PBX3: variants seen among roughly 807,000 people sequenced by gnomAD.
PBX3 encodes the protein PBX homeobox 3, also known as pre-B-cell leukemia transcription factor 3.
A neutral mutation model predicts 48.5 loss-of-function variants in PBX3; 14 were observed. The observed-to-expected ratio is 0.29, with a 90% CI of 0.19 to 0.45. PBX3 has a LOEUF of 0.45. Among genes scored for constraint, PBX3 ranks in the 20% least tolerant of loss-of-function variants. The pLI, the probability that PBX3 is intolerant of heterozygous loss-of-function variation, is 1.00. For synonymous variants in PBX3, 210 were observed against 200.3 expected (o/e 1.05, Z -0.41); for missense variants, 386 against 546.7 (o/e 0.71, Z 2.93).
chr9:125,931,025 GAA>G (rs1424722775), intron 4 of PBX3, among the ~76,000 whole-genome samples: 1 of 152,040 alleles, frequency 6.6e-6, no homozygotes, highest in Non-Finnish European at 1.5e-5. Context: ...GGAAAGTTTG[GAA>G]AATATATGGA....
chr9:125,954,054 C>A (rs899039280), intron 5 of PBX3, among the ~76,000 whole-genome samples: 5 of 152,212 alleles, frequency 3.3e-5, no homozygotes, highest in African/African-American at 1.2e-4. Context: ...CTTTTCCCTT[C>A]CTGCCCTTTT....
intron 2 of PBX3, among the ~76,000 whole-genome samples, chr9:125,778,457 C>T (rs1837138533): frequency 6.6e-6 from 1 of 151,872 alleles, no homozygotes; most frequent in Non-Finnish European, 1.5e-5. Flanking sequence ...CAGAGTTTCA[C>T]CATCTTGACC....
chr9:125,853,945 A>T (rs1839650443), intron 2 of PBX3, among the ~76,000 whole-genome samples: 1 of 152,084 alleles, frequency 6.6e-6, no homozygotes, highest in South Asian at 2.1e-4. Context: ...CATGAAAAAT[A>T]TGCATTTATT....
At position 125,834,578 on chromosome 9, in the gene PBX3, G is replaced by A. The variant is rs1839064514; in HGVS notation, c.275-81108G>A. ...CGACCGGCTAATTTTTGTATTTTTAGTAGAGACGGGGGTTGCGCCAAGTTG... is the reference window on the plus strand; with the variant it reads ...CGACCGGCTAATTTTTGTATTTTTAATAGAGACGGGGGTTGCGCCAAGTTG... On this transcript the variant is annotated intron_variant, in intron 2 of 8. Transcript: ENST00000373489. Among the ~76,000 whole-genome samples, 4 of 151,414 alleles carry A rather than the reference G, an allele frequency of 2.6e-5. No individual in the cohort carries two copies. The South Asian group carries it at 8.4e-4, about 32-fold the overall frequency.
chr9:125,899,900 TAAAGA>T (rs1450481851), intron 2 of PBX3, among the ~76,000 whole-genome samples: 1 of 123,066 alleles, frequency 8.1e-6, no homozygotes, highest in African/African-American at 3.1e-5. Context: ...ATGTAACGAA[TAAAGA>T]AAAGAGCCCC....
intron 2 of PBX3, among the ~76,000 whole-genome samples, chr9:125,815,690 C>T (rs1588175569): frequency 2.5e-5 from 1 of 40,348 alleles, no homozygotes; most frequent in East Asian, 8.3e-4. Flanking sequence ...TTTGCAGTGA[C>T]TGGGTGTGTG....
intron 2 of PBX3, among the ~76,000 whole-genome samples, chr9:125,863,662 A>T (rs1022317214): frequency 6.6e-6 from 1 of 152,236 alleles, no homozygotes; most frequent in African/African-American, 2.4e-5. Context: ...AGGTTAATAC[A>T]TTGTGGGAAG....
At chr9:125,836,867 G>T (rs1437702136) in intron 2 of PBX3, among the ~76,000 whole-genome samples, 3 of 152,052 alleles carry the variant, frequency 2.0e-5, no homozygotes, top group African/African-American at 7.2e-5. Flanking sequence ...GATTAGCAAA[G>T]ATCAAAAAGT....
intron 2 of PBX3, among the ~76,000 whole-genome samples, chr9:125,802,146 G>A (rs138274394): frequency 0.016 from 2,357 of 151,916 alleles, 27 homozygotes; most frequent in South Asian, 0.037. Flanking sequence ...AGATTCAGAG[G>A]GTACACGTGC....
intron 2 of PBX3, among the ~76,000 whole-genome samples, chr9:125,895,503 A>G (rs1218068494): frequency 6.6e-6 from 1 of 152,022 alleles, no homozygotes; most frequent in African/African-American, 2.4e-5. Context: ...TGGAAATTAT[A>G]GGTACTCAGT....
At chr9:125,894,267 C>T (rs2132396570) in intron 2 of PBX3, among the ~76,000 whole-genome samples, 1 of 152,222 alleles carries the variant, frequency 6.6e-6, no homozygotes, top group East Asian at 1.9e-4. Flanking sequence ...ATACTCACTT[C>T]CATTAAATAT....
At chr9:125,918,936 G>A (rs1459565620) in intron 3 of PBX3, among the ~76,000 whole-genome samples, 1 of 152,152 alleles carries the variant, frequency 6.6e-6, no homozygotes, top group East Asian at 1.9e-4. Flanking sequence ...GAGCTAAGAA[G>A]GGATAGGATT....
At chr9:125,897,746 A>G (rs1384881992) in intron 2 of PBX3, among the ~76,000 whole-genome samples, 1 of 151,920 alleles carries the variant, frequency 6.6e-6, no homozygotes, top group Non-Finnish European at 1.5e-5. Context: ...AGCTTTCCAT[A>G]GAAGTGCATG....
At chr9:125,834,836 C>A (rs1286156184) in intron 2 of PBX3, among the ~76,000 whole-genome samples, 7 of 149,334 alleles carry the variant, frequency 4.7e-5, no homozygotes, top group Admixed American at 4.6e-4. Flanking sequence ...CCCAACATGG[C>A]GAAACCCCGT....
In PBX3 at chr9:125,771,805, ATT is replaced by A. The variant is rs200968929; in HGVS notation, c.274+23183_274+23184del. 4.6e-4 allele frequency among the ~76,000 whole-genome samples: 70 copies of A among 152,050 alleles called. No homozygotes were observed. In the East Asian group the frequency reaches 0.013, roughly 28 times the overall value. On this transcript the variant is annotated intron_variant, in intron 2 of 8. Transcript: ENST00000373489. Reference sequence around the variant, plus strand: ...CTTTAATGTTTAAGGCTGTGTTAGCATTGTTTAGCCTTTACATTCTTCAGAAT... The same window carrying A: ...CTTTAATGTTTAAGGCTGTGTTAGCAGTTTAGCCTTTACATTCTTCAGAAT...
intron 2 of PBX3, among the ~76,000 whole-genome samples, chr9:125,879,409 A>G (rs1382610842): frequency 1.3e-5 from 2 of 152,204 alleles, no homozygotes; most frequent in African/African-American, 2.4e-5. Flanking sequence ...ATTAGAAGGT[A>G]TATGAACACA....
chr9:125,777,511 G>A (rs1489253357), intron 2 of PBX3, among the ~76,000 whole-genome samples: 3 of 150,658 alleles, frequency 2.0e-5, no homozygotes, highest in East Asian at 2.0e-4. Context: ...GCAAGCTGCC[G>A]TGCCTGGCTA....
chr9:125,848,004 G>C (rs1839472965), intron 2 of PBX3, among the ~76,000 whole-genome samples: 1 of 151,988 alleles, frequency 6.6e-6, no homozygotes, highest in African/African-American at 2.4e-5. Context: ...GTAAGTGCTA[G>C]GGTAGGCTGA....
At chr9:125,929,582 A>T (rs1841668857) in intron 3 of PBX3, 73 bp from the exon 4 acceptor site, 8 of 1,077,820 alleles carry the variant, frequency 7.4e-6, no homozygotes, top group South Asian at 4.5e-5. Context: ...ATGAGGTGTA[A>T]ATTCAGATGA....
Sources: gnomAD v4.1 joint callset for allele counts (sites outside exome capture counted in the v4.1 genomes callset) on GRCh38, gnomAD v4.1.1 for gene constraint, MANE v1.5 for transcripts, NCBI Gene and HGNC (gene_info 2026-07-23, HGNC 2026-07-21) for gene names.